The following CRIM1 variants were observed in gnomAD, a reference collection of about 807,000 sequenced individuals.
CRIM1 encodes the protein cysteine rich transmembrane BMP regulator 1.
CRIM1 carries 32 observed loss-of-function variants against 116.4 expected under a neutral mutation model. The ratio of observed to expected loss-of-function variants is 0.27; its 90% CI spans 0.21 to 0.37. The LOEUF (loss-of-function observed/expected upper bound fraction) is 0.37, where lower values mean the gene tolerates loss of function less well. Among genes scored for constraint, CRIM1 ranks in the 10% least tolerant of loss-of-function variants. The pLI is 1.00. For synonymous variants in CRIM1, 590 were observed against 509.2 expected (o/e 1.16, Z -2.13); for missense variants, 1,331 against 1,354.8 (o/e 0.98, Z 0.28).
chr2:36,396,855 G>A (rs1672065597), intron 2 of CRIM1, 68 bp downstream of exon 2: 3 of 1,326,072 alleles, frequency 2.3e-6, no homozygotes, highest in Non-Finnish European at 3.1e-6. Context: ...AGTAGTAATA[G>A]TATTTGAGCT....
At chr2:36,455,548 T>C (rs1232704395) in intron 4 of CRIM1, among the ~76,000 whole-genome samples, 2 of 152,166 alleles carry the variant, frequency 1.3e-5, no homozygotes, top group Non-Finnish European at 2.9e-5. Flanking sequence ...CCCAAACCTC[T>C]GCCCTCTAAA....
chr2:36,542,255 C>T (rs182308224), intron 14 of CRIM1, among the ~76,000 whole-genome samples: 11 of 152,328 alleles, frequency 7.2e-5, no homozygotes, highest in African/African-American at 2.6e-4. Flanking sequence ...ATGCCCAAAA[C>T]CAGTGCCTGC....
At chr2:36,477,153 C>T in intron 6 of CRIM1, 82 bp downstream of exon 6, 1 of 1,120,952 alleles carries the variant, frequency 8.9e-7, no homozygotes, top group Non-Finnish European at 1.2e-6. Context: ...AATTCAGTCT[C>T]ATCCAAAAGT....
At chr2:36,489,504 G>T (rs1680071776) in intron 7 of CRIM1, among the ~76,000 whole-genome samples, 1 of 152,072 alleles carries the variant, frequency 6.6e-6, no homozygotes, top group African/African-American at 2.4e-5. Flanking sequence ...AATTCCACAG[G>T]GGGTGTGTCC....
chr2:36,444,792 C>G (rs1277121538), intron 4 of CRIM1, among the ~76,000 whole-genome samples: 1 of 152,192 alleles, frequency 6.6e-6, no homozygotes, highest in African/African-American at 2.4e-5. Context: ...AGTCCTGTGC[C>G]TTTGCAGTTG....
At position 36,396,665 on chromosome 2, in the gene CRIM1, A is replaced by G; in HGVS notation, c.383A>G (p.Asn128Ser). 6.2e-7 allele frequency: 1 copy of G among 1,612,700 alleles called. No homozygotes were observed. Among genetic ancestry groups the G allele is most frequent in the Non-Finnish European group, 8.5e-7 (1 of 1,178,932 alleles). Residue 128 changes from asparagine to serine, a missense_variant, in exon 2 of 17, where the codon AAC (asparagine) becomes AGC (serine). Transcript: ENST00000280527. ...CTTGGTTTTAAACCATGCAATGAAA[A>G]CCTTATTGCTGGCTGCAATATAATC... ...QLLGFKPCNE[N>S]LIAGCNIING...
intron 11 of CRIM1, among the ~76,000 whole-genome samples, chr2:36,515,737 A>G (rs1016864618): frequency 1.3e-5 from 2 of 152,232 alleles, no homozygotes; most frequent in Non-Finnish European, 1.5e-5. Flanking sequence ...TACGGCAAAA[A>G]GGTGAGCCAG....
intron 1 of CRIM1, among the ~76,000 whole-genome samples, chr2:36,395,294 T>C (rs1303064884): frequency 2.0e-5 from 3 of 152,114 alleles, no homozygotes; most frequent in Non-Finnish European, 2.9e-5. Flanking sequence ...GAGCCACCAC[T>C]CCCAGCCAAA....
intron 12 of CRIM1, 120 bp downstream of exon 12, chr2:36,517,662 C>A: frequency 1.1e-6 from 1 of 931,342 alleles, no homozygotes; most frequent in Non-Finnish European, 1.6e-6. Flanking sequence ...AACCCAGTAT[C>A]CCATCAGGAA....
intron 4 of CRIM1, among the ~76,000 whole-genome samples, chr2:36,464,278 A>G (rs186846161): frequency 1.0e-3 from 155 of 152,338 alleles, no homozygotes; most frequent in African/African-American, 3.4e-3. Context: ...GAGGTAATGC[A>G]TTTTAGAAAT....
intron 2 of CRIM1, among the ~76,000 whole-genome samples, chr2:36,407,240 T>A (rs1251635817): frequency 6.6e-6 from 1 of 152,212 alleles, no homozygotes; most frequent in Non-Finnish European, 1.5e-5. Context: ...CACACACACA[T>A]ATACATATTC....
intron 1 of CRIM1, among the ~76,000 whole-genome samples, chr2:36,388,572 T>A (rs1388405140): frequency 6.6e-6 from 1 of 152,132 alleles, no homozygotes; most frequent in Non-Finnish European, 1.5e-5. Context: ...CTAAATGCCT[T>A]GTTTGGGGTC....
intron 8 of CRIM1, among the ~76,000 whole-genome samples, chr2:36,507,575 G>A (rs558393348): frequency 8.5e-5 from 13 of 152,202 alleles, no homozygotes; most frequent in African/African-American, 3.1e-4. Flanking sequence ...AGCATAACAT[G>A]CAGGAGAATG....
intron 7 of CRIM1, among the ~76,000 whole-genome samples, chr2:36,492,828 G>A (rs1034657372): frequency 3.9e-5 from 6 of 152,036 alleles, no homozygotes; most frequent in African/African-American, 9.7e-5. Flanking sequence ...GCTTAACCAC[G>A]TTCAGCCCCC....
intron 2 of CRIM1, among the ~76,000 whole-genome samples, chr2:36,438,139 AAAAC>A (rs1675473338): frequency 6.7e-6 from 1 of 150,244 alleles, no homozygotes; most frequent in African/African-American, 2.5e-5. Context: ...TCAAAAAAAA[AAAAC>A]AAAAAAAAAG....
At chr2:36,364,932 A>G (rs1215764475) in intron 1 of CRIM1, among the ~76,000 whole-genome samples, 1 of 152,122 alleles carries the variant, frequency 6.6e-6, no homozygotes, top group Non-Finnish European at 1.5e-5. Flanking sequence ...TCTATTTTCT[A>G]TCCTTTCCCA....
chr2:36,431,720 G>A (rs1674907934), intron 2 of CRIM1, among the ~76,000 whole-genome samples: 2 of 152,300 alleles, frequency 1.3e-5, no homozygotes, highest in South Asian at 4.1e-4. Context: ...CAGGAACTGA[G>A]CATCCTTGGA....
At chr2:36,499,703 T>A (rs1680853548) in intron 8 of CRIM1, among the ~76,000 whole-genome samples, 1 of 152,162 alleles carries the variant, frequency 6.6e-6, no homozygotes, top group African/African-American at 2.4e-5. Flanking sequence ...ACATTCCGCA[T>A]ATGACAGCCA....
intron 13 of CRIM1, among the ~76,000 whole-genome samples, chr2:36,524,229 G>A (rs1295591244): frequency 1.3e-5 from 2 of 152,126 alleles, no homozygotes; most frequent in Admixed American, 1.3e-4. Flanking sequence ...CTACCCCTAA[G>A]CTTTCTAGCT....
Sources: allele counts gnomAD v4.1 joint callset (sites outside exome capture counted in the v4.1 genomes callset), GRCh38; gene constraint gnomAD v4.1.1; transcripts MANE v1.5; gene names NCBI Gene and HGNC (gene_info 2026-07-23, HGNC 2026-07-21).